Variants in SLC7A13 observed in about 807,000 individuals in gnomAD.
The protein encoded by SLC7A13 is solute carrier family 7 member 13, also known as X-amino acid transporter 2.
Under a neutral mutation model 32.0 loss-of-function variants are expected in SLC7A13, and 31 were observed. That is an observed-to-expected ratio of 0.97 (90% CI 0.73 to 1.31). The LOEUF (loss-of-function observed/expected upper bound fraction) is 1.31. Ranked by LOEUF, SLC7A13 falls within the 50% of genes most tolerant of loss-of-function variation. The probability of loss-of-function intolerance (pLI) is 0.00; values close to 1 mark genes in which losing one functional copy is unlikely to be tolerated. For synonymous variants in SLC7A13, 232 were observed against 206.9 expected (o/e 1.12, Z -1.04); for missense variants, 633 against 546.9 (o/e 1.16, Z -1.57).
chr8:86,214,762 T>A, intron 3 of SLC7A13, 116 bp from the exon 4 acceptor site: 1 of 745,910 alleles, frequency 1.3e-6, no homozygotes, highest in Non-Finnish European at 2.1e-6. Flanking sequence ...CAGGCTAAAT[T>A]AGCTGTAAAG....
chr8:86,215,775 G>A (rs1010936925), intron 3 of SLC7A13: 6 of 342,208 alleles, frequency 1.8e-5, no homozygotes, highest in Non-Finnish European at 3.5e-5. Context: ...TCATGGCTCA[G>A]TATCAGTTAT....
At position 86,217,487 on chromosome 8, in the gene SLC7A13, G is replaced by A. The variant is rs747879978; in HGVS notation, c.1162C>T (p.Leu388=). 6.3e-7 allele frequency: 1 copy of A among 1,583,400 alleles called. No individual in the cohort carries two copies. The highest frequency in any genetic ancestry group is 8.6e-7 in the Non-Finnish European group (1 of 1,168,914). Residue 388 remains leucine, a synonymous_variant, in exon 3 of 4, where the codon CTA becomes TTA. Transcript: ENST00000297524. ...ILRRRYQEPN[L]SIPYKVFLSF... is the part of the protein sequence containing the mutation. The stretch of plus-strand genomic sequence containing the variant: ...AATTTTACCTTATAAGGTATAGATA[G>A]ATTGGGTTCCTGGTATCTCCGCCTT...
chr8:86,223,627 G>T (rs150951203), intron 1 of SLC7A13, among the ~76,000 whole-genome samples: 972 of 152,054 alleles, frequency 6.4e-3, no homozygotes, highest in Non-Finnish European at 0.011. Flanking sequence ...TAGTGGGATT[G>T]TTGGATCAAA....
intron 3 of SLC7A13, among the ~76,000 whole-genome samples, chr8:86,216,529 A>G (rs1482506099): frequency 6.6e-6 from 1 of 152,194 alleles, no homozygotes; most frequent in East Asian, 1.9e-4. Flanking sequence ...ACACACAACA[A>G]TTAAGAGATG....
intron 1 of SLC7A13, among the ~76,000 whole-genome samples, chr8:86,224,265 C>A (rs1189244684): frequency 6.6e-6 from 1 of 152,114 alleles, no homozygotes; most frequent in African/African-American, 2.4e-5. Flanking sequence ...AATGTCCTAT[C>A]CCTTCTTGCC....
chr8:86,228,948 T>G (rs1334169570), intron 1 of SLC7A13, among the ~76,000 whole-genome samples: 1 of 152,084 alleles, frequency 6.6e-6, no homozygotes, highest in Non-Finnish European at 1.5e-5. Flanking sequence ...CTCAAAGCAT[T>G]GGGATTATAG....
In SLC7A13 at chr8:86,217,684, T is replaced by G; in HGVS notation, c.965A>C (p.Gln322Pro). ...RPIYLASQEG[Q>P]LPLLFNTLNS... ...AAGTGTATTAAATAGCAAAGGCAGC[T>G]GGCCCTCTTGGCTTGCAAGATATAT... The change falls in exon 3 of 4, where the codon CAG (glutamine) becomes CCG (proline). Residue 322 changes from glutamine to proline, a missense_variant. By Grantham distance (76) the Gln-to-Pro change is moderately conservative. Coordinates refer to ENST00000297524, the MANE Select transcript of SLC7A13 (RefSeq NM_138817.3). 2 of 1,613,536 alleles carry G rather than the reference T, an allele frequency of 1.2e-6. No homozygotes were observed. Among genetic ancestry groups the G allele is most frequent in the Non-Finnish European group, 1.7e-6 (2 of 1,179,638 alleles).
At chr8:86,214,812 T>G (rs1479621226) in intron 3 of SLC7A13, among the ~76,000 whole-genome samples, 166 bp from the exon 4 acceptor site, 1 of 152,098 alleles carries the variant, frequency 6.6e-6, no homozygotes, top group African/African-American at 2.4e-5. Flanking sequence ...AATGCCTGAG[T>G]GAAAGGAGAT....
intron 1 of SLC7A13, among the ~76,000 whole-genome samples, chr8:86,227,164 C>T (rs1339060456): frequency 2.0e-5 from 3 of 152,008 alleles, no homozygotes; most frequent in Admixed American, 2.0e-4. Flanking sequence ...GGCACCAGTA[C>T]AGGGTTTTAA....
At chr8:86,218,168 G>T (rs1820227103) in intron 2 of SLC7A13, among the ~76,000 whole-genome samples, 2 of 152,210 alleles carry the variant, frequency 1.3e-5, no homozygotes, top group African/African-American at 4.8e-5. Flanking sequence ...ATAAACACTT[G>T]TGAAATAAAT....
chr8:86,224,401 C>G (rs1188502433), intron 1 of SLC7A13, among the ~76,000 whole-genome samples: 1 of 152,098 alleles, frequency 6.6e-6, no homozygotes, highest in Non-Finnish European at 1.5e-5. Context: ...CCCTGGCTAG[C>G]AAAATTTTCC....
chr8:86,218,220 A>G (rs1313413714), intron 2 of SLC7A13, among the ~76,000 whole-genome samples: 2 of 152,194 alleles, frequency 1.3e-5, no homozygotes, highest in Non-Finnish European at 2.9e-5. Flanking sequence ...CTTATTTTCT[A>G]AAACTAGTTT....
intron 2 of SLC7A13, among the ~76,000 whole-genome samples, chr8:86,219,928 AT>A (rs1197532484): frequency 6.6e-6 from 1 of 152,158 alleles, no homozygotes; most frequent in Non-Finnish European, 1.5e-5. Context: ...AAGTATATAC[AT>A]TTTAAAATAA....
chr8:86,229,474 G>T, intron 1 of SLC7A13, 119 bp downstream of exon 1: 1 of 979,614 alleles, frequency 1.0e-6, no homozygotes, highest in Non-Finnish European at 1.5e-6. Flanking sequence ...GATTCAGAAA[G>T]TCACAAAGAA....
chr8:86,218,323 G>A (rs1428037821), intron 2 of SLC7A13, among the ~76,000 whole-genome samples: 1 of 152,128 alleles, frequency 6.6e-6, no homozygotes, highest in Non-Finnish European at 1.5e-5. Flanking sequence ...GGTGCAATTT[G>A]AAATACTTAA....
chr8:86,217,657 T>G lies in SLC7A13; in HGVS notation c.992A>C (p.Asn331Thr). 6.2e-7 allele frequency: 1 copy of G among 1,613,442 alleles called. No homozygotes were observed. Among genetic ancestry groups the G allele is most frequent in the South Asian group, 1.1e-5 (1 of 91,058 alleles). ...AGCTGTAAATGGAGAAGAGTGACTA[T>G]TAAGTGTATTAAATAGCAAAGGCAG... The part of the protein sequence containing the change: ...GQLPLLFNTL[N>T]SHSSPFTAVL... Residue 331 changes from asparagine to threonine, a missense_variant, in exon 3 of 4, where the codon AAT becomes ACT. Coordinates refer to ENST00000297524, the MANE Select transcript of SLC7A13 (RefSeq NM_138817.3).
intron 2 of SLC7A13, among the ~76,000 whole-genome samples, chr8:86,219,165 G>A (rs1476551753): frequency 6.6e-6 from 1 of 152,078 alleles, no homozygotes; most frequent in Non-Finnish European, 1.5e-5. Flanking sequence ...GGAAGATATT[G>A]TTGGTTGTTT....
In SLC7A13 at chr8:86,222,982, A is replaced by T. The variant is rs773254765; in HGVS notation, c.807T>A (p.Ile269=). ...SYLTVLTPRE[I]LSSDAVAITW... ...CATTTGCATACAAACCTGAAGAGAGAATTTCCCTGGGTGTCAGAACAGTCA... is the reference window on the plus strand; with the variant it reads ...CATTTGCATACAAACCTGAAGAGAGTATTTCCCTGGGTGTCAGAACAGTCA... Residue 269 remains isoleucine, a synonymous_variant, in exon 2 of 4, where the codon ATT becomes ATA. Coordinates refer to ENST00000297524, the MANE Select transcript of SLC7A13 (RefSeq NM_138817.3). 1.9e-6 allele frequency: 3 copies of T among 1,602,246 alleles called. No individual in the cohort carries two copies. In the African/African-American group the frequency reaches 4.0e-5, roughly 22 times the overall value.
chr8:86,229,828 A>T lies in SLC7A13; in HGVS notation c.450T>A (p.Ser150=), dbSNP rs770359622. ...AMLWIVGILT[S]RGVKEVTWLQ... ...GCCAAGTCACTTCTTTCACACCACG[A>T]GAAGTCAGAATTCCTACAATCCACA... Residue 150 remains serine, a synonymous_variant, in exon 1 of 4, where the codon TCT becomes TCA. Transcript: ENST00000297524. The T allele has an allele frequency of 1.5e-5, 25 of 1,614,084 alleles. 1 individual carries two copies. In the South Asian group the frequency reaches 1.9e-4, roughly 12 times the overall value.
Sources: allele counts gnomAD v4.1 joint callset (sites outside exome capture counted in the v4.1 genomes callset), GRCh38; gene constraint gnomAD v4.1.1; transcripts MANE v1.5; gene names NCBI Gene and HGNC (gene_info 2026-07-23, HGNC 2026-07-21).